DNAAF10: variants seen among roughly 807,000 people sequenced by gnomAD.
DNAAF10 encodes the protein WD repeat domain 92.
Under a neutral mutation model 43.7 loss-of-function variants are expected in DNAAF10, and 28 were observed. The observed-to-expected ratio is 0.64, with a 90% CI of 0.48 to 0.88. The LOEUF (loss-of-function observed/expected upper bound fraction) is 0.88. Ranked by LOEUF, DNAAF10 falls within the 40% of genes least tolerant of loss-of-function variation. The pLI, the probability that DNAAF10 is intolerant of heterozygous loss-of-function variation, is 0.00. For missense variants in DNAAF10, 403 were observed against 439.1 expected (o/e 0.92, Z 0.73); for synonymous variants, 156 against 157.3 (o/e 0.99, Z 0.06).
intron 1 of DNAAF10, among the ~76,000 whole-genome samples, chr2:68,154,387 C>A (rs1199039503): frequency 6.6e-6 from 1 of 152,098 alleles, no homozygotes; most frequent in African/African-American, 2.4e-5. Flanking sequence ...GCTGGGACTA[C>A]AGGCGCCCGC....
At position 68,131,360 on chromosome 2, in the gene DNAAF10, T is replaced by C; in HGVS notation, c.952A>G (p.Thr318Ala). Reference sequence around the variant, plus strand: ...CTTGAAATGGGCTGGGTGGACAACGTAACATTCTGCAGAAGGCTTACAGAA... The same window carrying C: ...CTTGAAATGGGCTGGGTGGACAACGCAACATTCTGCAGAAGGCTTACAGAA... ...AGSVSLLQNV[T>A]LSTQPISSLD... The change falls in exon 8 of 8, where the codon ACG becomes GCG. Residue 318 changes from threonine (T) to alanine (A), a missense_variant. Thr to Ala is a moderately conservative substitution (Grantham distance 58). Coordinates refer to ENST00000295121, the MANE Select transcript of DNAAF10 (RefSeq NM_138458.4). 1 of 1,614,178 alleles carries C rather than the reference T, an allele frequency of 6.2e-7. No homozygotes were observed. Among genetic ancestry groups the C allele is most frequent in the Non-Finnish European group, 8.5e-7 (1 of 1,180,032 alleles).
chr2:68,145,165 C>T (rs2103623122), intron 2 of DNAAF10, among the ~76,000 whole-genome samples: 1 of 151,546 alleles, frequency 6.6e-6, no homozygotes, highest in East Asian at 1.9e-4. Context: ...CTGCAGTGAG[C>T]TGAGATCATG....
intron 7 of DNAAF10, among the ~76,000 whole-genome samples, chr2:68,133,551 G>A (rs1442860888): frequency 2.0e-5 from 3 of 152,064 alleles, no homozygotes; most frequent in African/African-American, 4.8e-5. Flanking sequence ...TCAGGAGTTC[G>A]AGATCAGCCT....
intron 7 of DNAAF10, among the ~76,000 whole-genome samples, chr2:68,132,977 T>C (rs1215460095): frequency 6.6e-6 from 1 of 151,452 alleles, no homozygotes; most frequent in Non-Finnish European, 1.5e-5. Flanking sequence ...CTGGGACTAG[T>C]TCTTCAAGCG....
chr2:68,147,577 A>C lies in DNAAF10; in HGVS notation c.184-10T>G, dbSNP rs1673350220. 5.7e-6 allele frequency: 9 copies of C among 1,583,346 alleles called. No homozygotes were observed. The highest frequency in any genetic ancestry group is 6.9e-6 in the Non-Finnish European group (8 of 1,157,940). The stretch of plus-strand genomic sequence containing the variant: ...GTTTGGCCTTTTCAATCTTCATAGA[A>C]GGGAGGAAGAGAGGATATATTATTT... On this transcript the variant is annotated splice_polypyrimidine_tract_variant and intron_variant, in intron 1 of 7. Coordinates refer to ENST00000295121, the MANE Select transcript of DNAAF10 (RefSeq NM_138458.4).
intron 7 of DNAAF10, 29 bp downstream of exon 7, chr2:68,134,673 A>T: frequency 1.3e-6 from 2 of 1,597,198 alleles, no homozygotes; most frequent in South Asian, 1.1e-5. Flanking sequence ...GGTAACTTTA[A>T]AAGGAGCAGT....
intron 7 of DNAAF10, chr2:68,134,235 A>G: frequency 1.0e-6 from 1 of 993,432 alleles, no homozygotes; most frequent in Non-Finnish European, 1.2e-6. Flanking sequence ...TGCATAGTAA[A>G]AGCTTTCATT....
intron 1 of DNAAF10, among the ~76,000 whole-genome samples, chr2:68,155,409 G>A (rs543367534): frequency 2.6e-5 from 4 of 151,440 alleles, no homozygotes; most frequent in Admixed American, 1.3e-4. Context: ...CAGGAGAATC[G>A]CTTGAACCTG....
chr2:68,148,179 G>A (rs780920881), intron 1 of DNAAF10, among the ~76,000 whole-genome samples: 1 of 152,124 alleles, frequency 6.6e-6, no homozygotes, highest in Non-Finnish European at 1.5e-5. Flanking sequence ...ATTATTTAAC[G>A]TATGGGGTTT....
intron 6 of DNAAF10, 72 bp from the exon 7 acceptor site, chr2:68,134,871 A>C: frequency 6.5e-7 from 1 of 1,530,388 alleles, no homozygotes; most frequent in Non-Finnish European, 9.0e-7. Context: ...GCTGCAAATA[A>C]AAAACTCTTA....
chr2:68,143,027 T>C (rs1202806579), intron 3 of DNAAF10, among the ~76,000 whole-genome samples: 1 of 151,932 alleles, frequency 6.6e-6, no homozygotes, highest in Non-Finnish European at 1.5e-5. Flanking sequence ...GCTGGGACTA[T>C]ACCACCATGC....
At chr2:68,157,102 T>C (rs1673641942) in intron 1 of DNAAF10, 159 bp downstream of exon 1, 7 of 1,016,988 alleles carry the variant, frequency 6.9e-6, no homozygotes, top group Non-Finnish European at 9.8e-6. Flanking sequence ...AGGTTTTAAA[T>C]AGGAAACATT....
rs537436223 is a variant in DNAAF10, at chr2:68,143,217, T to C, written c.415+1368A>G. ...CCAGATATAGAGATAAGAGATTATC[T>C]TTCTCTATAGGATTCATACAAATTG... On this transcript the variant is annotated intron_variant, in intron 3 of 7. Transcript: ENST00000295121. Among the ~76,000 whole-genome samples the C allele has an allele frequency of 2.6e-5, 4 of 152,250 alleles. No individual in the cohort carries two copies. The East Asian group carries it at 7.7e-4, about 29-fold the overall frequency.
intron 1 of DNAAF10, among the ~76,000 whole-genome samples, chr2:68,156,101 C>CAAAAA (rs10606309): frequency 5.1e-5 from 3 of 58,586 alleles, no homozygotes; most frequent in African/African-American, 6.7e-5. Flanking sequence ...GACCCTGTCT[C>CAAAAA]AAAAAAAAAA....
In DNAAF10 at chr2:68,138,678, T is replaced by C. The variant is rs1673103101; in HGVS notation, c.633+64A>G. 4.1e-6 allele frequency: 5 copies of C among 1,224,470 alleles called. No homozygotes were observed. In the South Asian group the frequency reaches 6.3e-5, roughly 15 times the overall value. 75.9% of individuals were successfully genotyped at this position (1,224,470 alleles called of 1,614,324 possible). A position where few individuals can be genotyped will look rare whatever the true frequency, so the allele number is the denominator to read the frequency against. On this transcript the variant is annotated intron_variant, in intron 5 of 7. Coordinates refer to ENST00000295121, the MANE Select transcript of DNAAF10 (RefSeq NM_138458.4). ...AGTTACTAGAGGTGTTTTCCTTTTG[T>C]AATAGTTCAGAGGTGAATGGAAACA...
chr2:68,142,147 G>T (rs759669246), intron 3 of DNAAF10, among the ~76,000 whole-genome samples: 8 of 152,170 alleles, frequency 5.3e-5, no homozygotes, highest in Non-Finnish European at 1.0e-4. Flanking sequence ...TACCAGTGTT[G>T]TTTTAATTTT....
At chr2:68,153,611 AACAC>A (rs906003375) in intron 1 of DNAAF10, among the ~76,000 whole-genome samples, 34 of 151,904 alleles carry the variant, frequency 2.2e-4, no homozygotes, top group African/African-American at 8.2e-4. Context: ...AATGTTTTAA[AACAC>A]ACACACACAA....
chr2:68,150,064 C>A (rs1572926525), intron 1 of DNAAF10, among the ~76,000 whole-genome samples: 1 of 152,296 alleles, frequency 6.6e-6, no homozygotes, highest in East Asian at 1.9e-4. Flanking sequence ...CCCAGAATTC[C>A]ACCGCTGTCC....
In DNAAF10 at chr2:68,131,274, C is replaced by T; in HGVS notation, c.1038G>A (p.Val346=). Residue 346 remains valine (V), a synonymous_variant, in exon 8 of 8, where the codon GTG becomes GTA. Coordinates refer to ENST00000295121, the MANE Select transcript of DNAAF10 (RefSeq NM_138458.4). ...TGAGCTTTGTAACGATCAGTACTCT[C>T]ACCGTTTGGTCAAATGAACTACAGA... The part of the protein sequence containing the change: ...LCVCSSFDQT[V]RVLIVTKLNK... 1.2e-6 allele frequency: 2 copies of T among 1,614,078 alleles called. No individual in the cohort carries two copies. The highest frequency in any genetic ancestry group is 1.7e-6 in the Non-Finnish European group (2 of 1,180,006).
Sources: gnomAD v4.1 joint callset for allele counts (sites outside exome capture counted in the v4.1 genomes callset) on GRCh38, gnomAD v4.1.1 for gene constraint, MANE v1.5 for transcripts, NCBI Gene and HGNC (gene_info 2026-07-23, HGNC 2026-07-21) for gene names.